Variants in SASH1 observed in about 807,000 individuals in gnomAD.
SASH1 encodes the protein SAM and SH3 domain containing 1.
SASH1 carries 44 observed loss-of-function variants against 125.2 expected under a neutral mutation model. The ratio of observed to expected loss-of-function variants is 0.35; its 90% confidence interval spans 0.28 to 0.45. The LOEUF is 0.45. Among genes scored for constraint, SASH1 ranks in the 20% least tolerant of loss-of-function variants. SASH1 has a pLI of 1.00. For missense variants in SASH1, 1,426 were observed against 1,614.5 expected (o/e 0.88, Z 2.00); for synonymous variants, 639 against 649.1 (o/e 0.98, Z 0.24).
chr6:148,487,809 G>A (rs879461439), intron 8 of SASH1, 94 bp downstream of exon 8: 26 of 846,934 alleles, frequency 3.1e-5, no homozygotes, highest in African/African-American at 1.2e-4. Flanking sequence ...CGAAACTTCC[G>A]ACTCGCACCT....
chr6:148,391,170 C>T (rs1204187554), intron 2 of SASH1, among the ~76,000 whole-genome samples: 2 of 150,568 alleles, frequency 1.3e-5, no homozygotes, highest in African/African-American at 2.4e-5. Flanking sequence ...AGTGCAGTGG[C>T]GTGATCTGGG....
At chr6:148,304,042 C>T (rs946851627) in intron 1 of SASH1, among the ~76,000 whole-genome samples, 5 of 152,100 alleles carry the variant, frequency 3.3e-5, no homozygotes, top group South Asian at 2.1e-4. Flanking sequence ...CGATGGCTCA[C>T]GCCTGTAATC....
the SASH1 span, among the ~76,000 whole-genome samples, chr6:148,241,917 A>G: frequency 1.3e-5 from 2 of 152,208 alleles, no homozygotes; most frequent in Non-Finnish European, 2.9e-5. Flanking sequence ...ACTAAATGTT[A>G]AATGTTATTT....
chr6:148,445,017 G>C (rs143648775), intron 4 of SASH1, among the ~76,000 whole-genome samples: 2 of 152,128 alleles, frequency 1.3e-5, no homozygotes, highest in East Asian at 1.9e-4. Flanking sequence ...ATGTTGCCAC[G>C]GCACCTGTAA....
chr6:148,352,961 C>G (rs1339928153), intron 1 of SASH1, among the ~76,000 whole-genome samples: 1 of 152,088 alleles, frequency 6.6e-6, no homozygotes, highest in Non-Finnish European at 1.5e-5. Flanking sequence ...CAGAGCAAGT[C>G]TCTGTCTCCA....
chr6:148,399,107 A>T (rs1270903108), intron 2 of SASH1, among the ~76,000 whole-genome samples: 1 of 149,286 alleles, frequency 6.7e-6, no homozygotes, highest in Non-Finnish European at 1.5e-5. Flanking sequence ...ACCTTTGCAG[A>T]CTGTTTGTGC....
At chr6:148,447,945 G>C (rs1013066594) in intron 4 of SASH1, among the ~76,000 whole-genome samples, 1 of 152,046 alleles carries the variant, frequency 6.6e-6, no homozygotes, top group Non-Finnish European at 1.5e-5. Context: ...ATTACCCCCC[G>C]CTGCCCACTC....
intron 10 of SASH1, among the ~76,000 whole-genome samples, chr6:148,522,264 C>G (rs1780863274): frequency 6.6e-6 from 1 of 152,162 alleles, no homozygotes; most frequent in South Asian, 2.1e-4. Context: ...TCTTGTAGTA[C>G]AGTTGTACAA....
intron 1 of SASH1, among the ~76,000 whole-genome samples, chr6:148,296,337 G>A (rs898618366): frequency 6.6e-6 from 1 of 152,108 alleles, no homozygotes; most frequent in Admixed American, 6.5e-5. Context: ...TGTTGGCCAG[G>A]CTGGTCTCAA....
chr6:148,435,197 G>T (rs1776244008), intron 2 of SASH1, among the ~76,000 whole-genome samples: 1 of 152,046 alleles, frequency 6.6e-6, no homozygotes, highest in Non-Finnish European at 1.5e-5. Context: ...GGCCAATATG[G>T]TGAAACCCCA....
At chr6:148,342,418 G>A (rs1187062985), upstream of SASH1, among the ~76,000 whole-genome samples, 2 of 152,216 alleles carry the variant, frequency 1.3e-5, no homozygotes, top group Non-Finnish European at 2.9e-5. Flanking sequence ...CGTGAATAGC[G>A]TGATTGGAAA....
intron 1 of SASH1, among the ~76,000 whole-genome samples, chr6:148,349,855 T>TC (rs894002477): frequency 1.3e-5 from 2 of 151,836 alleles, no homozygotes; most frequent in African/African-American, 4.8e-5. Context: ...TTTTTCTTTT[T>TC]TTTTTTTTGA....
At chr6:148,229,986 A>G in the SASH1 span, among the ~76,000 whole-genome samples, 3 of 152,160 alleles carry the variant, frequency 2.0e-5, no homozygotes, top group Admixed American at 1.3e-4. Context: ...TGCTGGGATT[A>G]CAGGCATGAG....
intron 12 of SASH1, 41 bp downstream of exon 12, chr6:148,527,637 G>A (rs768423753): frequency 5.1e-6 from 8 of 1,574,104 alleles, no homozygotes; most frequent in Non-Finnish European, 6.0e-6. Context: ...GGTTCTTCCT[G>A]ACAAGAAAAG....
intron 4 of SASH1, among the ~76,000 whole-genome samples, chr6:148,456,376 T>TG (rs529797394): frequency 6.0e-4 from 91 of 152,330 alleles, no homozygotes; most frequent in African/African-American, 2.1e-3. Context: ...GCTCTTAACC[T>TG]GGGCCTGCCT....
chr6:148,296,989 A>G (rs142203814), intron 1 of SASH1, among the ~76,000 whole-genome samples: 26 of 152,344 alleles, frequency 1.7e-4, no homozygotes, highest in African/African-American at 5.5e-4. Context: ...CATGAGGTTA[A>G]CCTAAGGAAA....
At position 148,420,208 on chromosome 6, in the gene SASH1, C is replaced by T. The variant is rs567600040; in HGVS notation, c.286-19976C>T. Among the ~76,000 whole-genome samples the T allele has an allele frequency of 6.6e-5, 10 of 152,088 alleles. No homozygotes were observed. In the East Asian group the frequency reaches 1.4e-3, roughly 21 times the overall value. On this transcript the variant is annotated intron_variant, in intron 2 of 19. Coordinates refer to ENST00000367467, the MANE Select transcript of SASH1 (RefSeq NM_015278.5). Reference sequence around the variant, plus strand: ...TGTGGTATAGAATCTTGATAGTGTGCGTGTGTGTATGTAAATTTTAGATCA... The same window carrying T: ...TGTGGTATAGAATCTTGATAGTGTGTGTGTGTGTATGTAAATTTTAGATCA...
In SASH1 at chr6:148,297,905, G is replaced by C. The variant is rs370579732; in HGVS notation, n.74+25528G>C. ...ATGTTAACAAAATACCACCACTCTT[G>C]GTAAAAATTAGTACATGGCTATAAT... On this transcript the variant is annotated intron_variant and non_coding_transcript_variant, in intron 1 of 3. Transcript: ENST00000367469. 2.2e-4 allele frequency among the ~76,000 whole-genome samples: 34 copies of C among 151,886 alleles called. No individual in the cohort carries two copies. The South Asian group carries it at 6.7e-3, about 30-fold the overall frequency.
At chr6:148,289,489 C>T (rs1245177747) in intron 1 of SASH1, among the ~76,000 whole-genome samples, 1 of 152,228 alleles carries the variant, frequency 6.6e-6, no homozygotes, top group Non-Finnish European at 1.5e-5. Context: ...AGAGGAAGGT[C>T]TGCCCCTTAC....
Sources: allele counts gnomAD v4.1 joint callset (sites outside exome capture counted in the v4.1 genomes callset), GRCh38; gene constraint gnomAD v4.1.1; transcripts MANE v1.5; gene names NCBI Gene and HGNC (gene_info 2026-07-23, HGNC 2026-07-21).